Variants in ADAM18 observed in about 807,000 individuals in gnomAD.
ADAM18 encodes disintegrin and metalloproteinase domain-containing protein 18.
Under a neutral mutation model 94.4 loss-of-function variants are expected in ADAM18, and 117 were observed. The ratio of observed to expected loss-of-function variants is 1.24; its 90% CI spans 1.07 to 1.45. ADAM18 has a LOEUF of 1.45. Ranked by LOEUF, ADAM18 falls within the 40% of genes most tolerant of loss-of-function variation. The pLI, the probability that ADAM18 is intolerant of heterozygous loss-of-function variation, is 0.00. For missense variants in ADAM18, 936 were observed against 880.0 expected, an observed-to-expected ratio of 1.06 and a Z score of -0.81; for synonymous variants, 327 against 291.6, an observed-to-expected ratio of 1.12 and a Z score of -1.24.
intron 3 of ADAM18, among the ~76,000 whole-genome samples, chr8:39,607,610 C>T (rs1819126875): frequency 6.6e-6 from 1 of 152,064 alleles, no homozygotes; most frequent in Non-Finnish European, 1.5e-5. Flanking sequence ...TCATAGTTGA[C>T]CAGTGTCTCC....
At chr8:39,637,363 T>G (rs1228390473) in intron 8 of ADAM18, 28 bp downstream of exon 8, 2 of 1,574,334 alleles carry the variant, frequency 1.3e-6, no homozygotes, top group Admixed American at 3.7e-5. Context: ...CACATTTCCA[T>G]TTTCATGAAA....
At chr8:39,727,422 T>C (rs1388757504) in intron 19 of ADAM18, among the ~76,000 whole-genome samples, 1 of 152,220 alleles carries the variant, frequency 6.6e-6, no homozygotes, top group Non-Finnish European at 1.5e-5. Context: ...ATCATTACTT[T>C]GCTCCCCCAT....
rs559124819 is a variant in ADAM18, at chr8:39,729,062, C to T, written c.2178-836C>T. Among the ~76,000 whole-genome samples the T allele has an allele frequency of 7.8e-4, 119 of 152,138 alleles. 3 individuals carry two copies. In the South Asian group the frequency reaches 0.023, roughly 29 times the overall value. On this transcript the variant is annotated intron_variant, in intron 19 of 19. Transcript: ENST00000265707. ...TTTTTTAAAAAACATATTGGCCATCCTAATGGGTGTGAGGAGATATCTCAC... is the reference window on the plus strand; with the variant it reads ...TTTTTTAAAAAACATATTGGCCATCTTAATGGGTGTGAGGAGATATCTCAC...
chr8:39,634,989 G>T (rs753987539), intron 7 of ADAM18, among the ~76,000 whole-genome samples: 5 of 152,054 alleles, frequency 3.3e-5, no homozygotes, highest in Non-Finnish European at 7.4e-5. Context: ...CAATGTGATG[G>T]TATTAAGGAA....
chr8:39,614,947 A>G (rs1819394920), intron 6 of ADAM18, among the ~76,000 whole-genome samples: 1 of 152,212 alleles, frequency 6.6e-6, no homozygotes, highest in East Asian at 1.9e-4. Context: ...GCACGCCCAG[A>G]TTCATAAAGC....
intron 12 of ADAM18, among the ~76,000 whole-genome samples, chr8:39,663,392 C>T (rs1323112272): frequency 7.4e-6 from 1 of 135,080 alleles, no homozygotes; most frequent in Non-Finnish European, 1.5e-5. Flanking sequence ...AGTTTGAGAC[C>T]AGCCTGGGCA....
At chr8:39,712,052 C>A (rs1333956548) in intron 18 of ADAM18, among the ~76,000 whole-genome samples, 1 of 94,800 alleles carries the variant, frequency 1.1e-5, no homozygotes, top group Non-Finnish European at 2.1e-5. Context: ...GAGAAAAAAA[C>A]AGTGAAAGAT....
intron 15 of ADAM18, among the ~76,000 whole-genome samples, chr8:39,679,456 T>A (rs546968398): frequency 6.6e-6 from 1 of 152,192 alleles, no homozygotes; most frequent in Non-Finnish European, 1.5e-5. Context: ...ATCCATGGGA[T>A]AAGATAACCT....
At chr8:39,642,500 A>G (rs1585929868) in intron 10 of ADAM18, among the ~76,000 whole-genome samples, 4 of 151,938 alleles carry the variant, frequency 2.6e-5, no homozygotes. Context: ...AGCATCATTT[A>G]TTAAATAGAG....
chr8:39,677,484 A>G lies in ADAM18; in HGVS notation c.1579A>G (p.Arg527Gly). Residue 527 changes from arginine (R) to glycine (G), a missense_variant, in exon 15 of 20, where the codon AGA (arginine) becomes GGA (glycine). Arg to Gly is a moderately radical substitution (Grantham distance 125). Coordinates refer to ENST00000265707, the MANE Select transcript of ADAM18 (RefSeq NM_014237.3). ...CFKEVNSLHE[R>G]SENCGFKNSQ... Reference sequence around the variant, plus strand: ...TAAAGAAGTTAATTCTCTGCATGAAAGATCTGAAAACTGTGGTTTTAAAAA... The same window carrying G: ...TAAAGAAGTTAATTCTCTGCATGAAGGATCTGAAAACTGTGGTTTTAAAAA... 1 of 1,611,138 alleles carries G rather than the reference A, an allele frequency of 6.2e-7. No homozygotes were observed. The highest frequency in any genetic ancestry group is 8.5e-7 in the Non-Finnish European group (1 of 1,179,386).
intron 13 of ADAM18, among the ~76,000 whole-genome samples, chr8:39,667,773 C>A (rs1821031614): frequency 6.6e-6 from 1 of 152,150 alleles, no homozygotes; most frequent in Non-Finnish European, 1.5e-5. Flanking sequence ...TGAGCAGCTG[C>A]AAACTCACTG....
intron 2 of ADAM18, among the ~76,000 whole-genome samples, chr8:39,594,438 T>C (rs1451838975): frequency 6.6e-6 from 1 of 152,178 alleles, no homozygotes; most frequent in East Asian, 1.9e-4. Flanking sequence ...GTTTCAATCC[T>C]TCCTCTTTTA....
At chr8:39,703,538 G>A (rs533068540) in intron 17 of ADAM18, among the ~76,000 whole-genome samples, 242 of 152,138 alleles carry the variant, frequency 1.6e-3, no homozygotes, top group Non-Finnish European at 2.8e-3. Context: ...ATTGGTGAGA[G>A]AGGGCACCTT....
Position 39,706,405 on chromosome 8 carries a change from A to G in ADAM18, c.1903-385A>G, listed in dbSNP as rs191083632. On this transcript the variant is annotated intron_variant, in intron 17 of 19. Coordinates refer to ENST00000265707, the MANE Select transcript of ADAM18 (RefSeq NM_014237.3). ...TCACAATGCTTTCTATAGACATTGA[A>G]GTGCATGAATAGAAAATGTCCAAAT... Among the ~76,000 whole-genome samples the G allele has an allele frequency of 2.7e-3, 407 of 152,274 alleles. 5 individuals carry two copies. Among genetic ancestry groups the G allele is most frequent in the African/African-American group, 9.4e-3 (391 of 41,568 alleles).
rs780500754 is a variant in ADAM18 at position 39,668,072 on chromosome 8, C to T, written c.1401C>T (p.Thr467=). 2.5e-6 allele frequency: 4 copies of T among 1,614,028 alleles called. No homozygotes were observed. The highest frequency in any genetic ancestry group is 2.7e-5 in the African/African-American group (2 of 75,020). The change falls in exon 14 of 20, where the codon ACC becomes ACT. Residue 467 remains threonine (T), a synonymous_variant. Coordinates refer to ENST00000265707, the MANE Select transcript of ADAM18 (RefSeq NM_014237.3). ...ATTTTACAGAGTACTGCAATGGAACCTCTAGTAATTGTGTTCCTGACACTT... is the reference window on the plus strand; with the variant it reads ...ATTTTACAGAGTACTGCAATGGAACTTCTAGTAATTGTGTTCCTGACACTT... ...ECDFTEYCNG[T]SSNCVPDTYA... is the part of the protein sequence containing the mutation.
rs1193447309 is a variant in ADAM18 at position 39,706,852 on chromosome 8, C to G, written c.1965C>G (p.Phe655Leu). 6.2e-7 allele frequency: 1 copy of G among 1,610,412 alleles called. No individual in the cohort carries two copies. The highest frequency in any genetic ancestry group is 1.7e-5 in the Admixed American group (1 of 59,924). ...GACATAGACCTCCAGATTGTAAATT[C>G]CAGTTTGGTTCCCCAGGGGGTAGTA... ...FPGHRPPDCK[F>L]QFGSPGGSID... Residue 655 changes from phenylalanine (F) to leucine (L), a missense_variant, in exon 18 of 20, where the codon TTC (phenylalanine) becomes TTG (leucine). Physicochemically the swap from Phe to Leu is conservative, Grantham distance 22. Coordinates refer to ENST00000265707, the MANE Select transcript of ADAM18 (RefSeq NM_014237.3).
chr8:39,720,444 T>G (rs6474169), intron 18 of ADAM18, among the ~76,000 whole-genome samples: 88,562 of 150,956 alleles, frequency 0.59, 26,210 homozygotes, highest in African/African-American at 0.63. Flanking sequence ...AGTGTGGGCA[T>G]TTATTTCATG....
Position 39,648,401 on chromosome 8 carries a change from T to G in ADAM18, c.1104T>G (p.Phe368Leu), listed in dbSNP as rs1820442304. ...SNCSMHDYRY[F>L]VSKFETKCLQ... The stretch of plus-strand genomic sequence containing the variant: ...GCAGCATGCACGACTATAGATATTT[T>G]GTTTCAAAATTTGAGACTAAATGCC... The change falls in exon 12 of 20, where the codon TTT becomes TTG. Residue 368 changes from phenylalanine (F) to leucine (L), a missense_variant. Coordinates refer to ENST00000265707, the MANE Select transcript of ADAM18 (RefSeq NM_014237.3). 1 of 1,613,050 alleles carries G rather than the reference T, an allele frequency of 6.2e-7. No individual in the cohort carries two copies.
chr8:39,654,067 T>C (rs550658268), intron 12 of ADAM18, among the ~76,000 whole-genome samples: 100 of 150,298 alleles, frequency 6.7e-4, no homozygotes, highest in African/African-American at 2.4e-3. Context: ...GAACATGTGA[T>C]ATTTGCCTTC....
Sources: gnomAD v4.1 joint callset for allele counts (sites outside exome capture counted in the v4.1 genomes callset) on GRCh38, gnomAD v4.1.1 for gene constraint, MANE v1.5 for transcripts, NCBI Gene and HGNC (gene_info 2026-07-23, HGNC 2026-07-21) for gene names.